CADM2: variants seen among roughly 807,000 people sequenced by gnomAD.
CADM2 encodes cell adhesion molecule 2, also known as immunoglobulin superfamily member 4D.
CADM2 carries 12 observed loss-of-function variants against 49.8 expected under a neutral mutation model. The ratio of observed to expected loss-of-function variants is 0.24; its 90% CI spans 0.15 to 0.39. CADM2 has a LOEUF of 0.39. CADM2 is among the 10% of genes least tolerant of loss of function. The probability of loss-of-function intolerance (pLI) is 1.00; values close to 1 mark genes in which losing one functional copy is unlikely to be tolerated. For missense variants in CADM2, 378 were observed against 492.3 expected (o/e 0.77, Z 2.20); for synonymous variants, 214 against 175.4 (o/e 1.22, Z -1.74).
At chr3:85,623,544 C>G (rs2064035931) in intron 1 of CADM2, among the ~76,000 whole-genome samples, 1 of 152,066 alleles carries the variant, frequency 6.6e-6, no homozygotes, top group South Asian at 2.1e-4. Context: ...AGATCCCAGG[C>G]TGAGAGTGAA....
chr3:85,075,226 GT>G (rs761300934), intron 1 of CADM2, among the ~76,000 whole-genome samples: 113 of 140,810 alleles, frequency 8.0e-4, no homozygotes, highest in Admixed American at 2.0e-3. Context: ...CAGTTTTTTT[GT>G]TTTTTTTTTT....
intron 2 of CADM2, among the ~76,000 whole-genome samples, chr3:85,766,015 T>C (rs1329523697): frequency 1.3e-5 from 2 of 152,114 alleles, no homozygotes; most frequent in African/African-American, 4.8e-5. Flanking sequence ...CAGTTCCTGG[T>C]GTCTAAATGG....
chr3:85,815,273 C>T (rs1240967918), intron 3 of CADM2, among the ~76,000 whole-genome samples: 1 of 152,072 alleles, frequency 6.6e-6, no homozygotes, highest in Admixed American at 6.6e-5. Context: ...GATACCAAAA[C>T]CTGGCAGAGA....
intron 1 of CADM2, among the ~76,000 whole-genome samples, chr3:85,439,640 TAACTC>T (rs2037103276): frequency 6.6e-6 from 1 of 152,162 alleles, no homozygotes; most frequent in Non-Finnish European, 1.5e-5. Context: ...TGCAGCCAGT[TAACTC>T]AATCAACAGT....
At chr3:85,504,685 G>A (rs1159953694) in intron 1 of CADM2, among the ~76,000 whole-genome samples, 2 of 152,200 alleles carry the variant, frequency 1.3e-5, no homozygotes, top group African/African-American at 4.8e-5. Flanking sequence ...GCACTCCGCA[G>A]CCCTTGGGTG....
At chr3:85,118,373 C>T (rs1301317215) in intron 1 of CADM2, among the ~76,000 whole-genome samples, 1 of 152,064 alleles carries the variant, frequency 6.6e-6, no homozygotes, top group Non-Finnish European at 1.5e-5. Flanking sequence ...TAAAGATATA[C>T]CCAAAACTGG....
intron 1 of CADM2, among the ~76,000 whole-genome samples, chr3:85,093,520 A>G (rs2037680254): frequency 6.6e-6 from 1 of 152,070 alleles, no homozygotes; most frequent in South Asian, 2.1e-4. Flanking sequence ...ATCCTTACAA[A>G]TATATCTTCA....
rs549722061 is a variant in CADM2, at chr3:85,590,273, A to G, written c.62-136249A>G. Among the ~76,000 whole-genome samples the G allele has an allele frequency of 2.6e-5, 4 of 152,170 alleles. No homozygotes were observed. In the East Asian group the frequency reaches 5.8e-4, roughly 22 times the overall value. ...TGGCCTTTGACATATGACAAAGACT[A>G]TGCTAAGGTAGAGAGAATAGTTTGT... is the stretch of plus-strand genomic sequence containing the variant. On this transcript the variant is annotated intron_variant, in intron 1 of 9. Coordinates refer to ENST00000383699, the MANE Select transcript of CADM2 (RefSeq NM_001167675.2).
intron 1 of CADM2, among the ~76,000 whole-genome samples, chr3:85,365,385 G>T (rs1267090296): frequency 2.6e-5 from 4 of 151,884 alleles, no homozygotes; most frequent in Non-Finnish European, 5.9e-5. Flanking sequence ...GAAGTAAAGA[G>T]AACTATACTT....
At chr3:85,759,540 A>G (rs1387094207) in intron 2 of CADM2, among the ~76,000 whole-genome samples, 1 of 152,128 alleles carries the variant, frequency 6.6e-6, no homozygotes, top group Non-Finnish European at 1.5e-5. Context: ...CTAGATGGCA[A>G]CATCTTTTAT....
chr3:85,918,458 A>T (rs1441537388), intron 6 of CADM2, among the ~76,000 whole-genome samples: 3 of 152,142 alleles, frequency 2.0e-5, no homozygotes, highest in Admixed American at 2.0e-4. Context: ...GATTACATTT[A>T]TTGATTTTCG....
At chr3:85,800,025 A>G (rs1308194137) in intron 2 of CADM2, 1 of 152,280 alleles carries the variant, frequency 6.6e-6, no homozygotes, top group Non-Finnish European at 1.5e-5. Flanking sequence ...AGGAAGATGG[A>G]AGTTTCATCT....
chr3:85,317,866 A>G (rs2044505391), intron 1 of CADM2, among the ~76,000 whole-genome samples: 1 of 152,248 alleles, frequency 6.6e-6, no homozygotes, highest in Non-Finnish European at 1.5e-5. Flanking sequence ...TTGATAACAG[A>G]GCAATATGAA....
intron 1 of CADM2, among the ~76,000 whole-genome samples, chr3:85,195,328 G>A (rs187881652): frequency 7.7e-4 from 117 of 151,960 alleles, no homozygotes; most frequent in Non-Finnish European, 1.4e-3. Flanking sequence ...TCAAAATTGC[G>A]TTTTCTATCT....
intron 1 of CADM2, among the ~76,000 whole-genome samples, chr3:85,125,584 T>C (rs2107599789): frequency 6.6e-6 from 1 of 152,264 alleles, no homozygotes. Context: ...GGTCTGGAAA[T>C]CCTGAGCTCA....
intron 1 of CADM2, among the ~76,000 whole-genome samples, chr3:84,983,206 C>T (rs2032317980): frequency 6.6e-6 from 1 of 151,914 alleles, no homozygotes; most frequent in Non-Finnish European, 1.5e-5. Flanking sequence ...ACTAAAAGAC[C>T]ATTTAAAATA....
intron 7 of CADM2, among the ~76,000 whole-genome samples, chr3:85,940,023 CAAAAA>C (rs10717960): frequency 6.8e-6 from 1 of 146,868 alleles, no homozygotes; most frequent in Non-Finnish European, 1.5e-5. Context: ...TTAACAACAA[CAAAAA>C]AAAAACAGAC....
At chr3:85,095,197 A>G (rs1482455057) in intron 1 of CADM2, among the ~76,000 whole-genome samples, 3 of 152,194 alleles carry the variant, frequency 2.0e-5, no homozygotes, top group African/African-American at 7.2e-5. Context: ...TCATTCCTTT[A>G]TGTTCTTGTA....
chr3:85,837,542 A>AT (rs993605584), intron 3 of CADM2, among the ~76,000 whole-genome samples: 11 of 150,998 alleles, frequency 7.3e-5, no homozygotes, highest in East Asian at 1.9e-4. Context: ...CAAAGTGGAG[A>AT]TTTTTTTTTC....
Sources: gnomAD v4.1 joint callset for allele counts (sites outside exome capture counted in the v4.1 genomes callset) on GRCh38, gnomAD v4.1.1 for gene constraint, MANE v1.5 for transcripts, NCBI Gene and HGNC (gene_info 2026-07-23, HGNC 2026-07-21) for gene names.